The following STKLD1 variants were observed in gnomAD, a reference collection of about 807,000 sequenced individuals.
STKLD1 encodes serine/threonine kinase-like domain-containing protein STKLD1.
Under a neutral mutation model 80.4 loss-of-function variants are expected in STKLD1, and 79 were observed. The observed-to-expected ratio is 0.98, with a 90% CI of 0.82 to 1.19. The LOEUF is 1.19. Ranked by LOEUF, STKLD1 falls within the 50% of genes most tolerant of loss-of-function variation. The probability of loss-of-function intolerance (pLI) is 0.00; values close to 1 mark genes in which losing one functional copy is unlikely to be tolerated. For synonymous variants in STKLD1, 393 were observed against 357.6 expected (o/e 1.10, Z -1.12); for missense variants, 841 against 856.0 (o/e 0.98, Z 0.22).
chr9:133,387,197 T>G (rs931234122), intron 4 of STKLD1, among the ~76,000 whole-genome samples: 4 of 152,108 alleles, frequency 2.6e-5, no homozygotes, highest in African/African-American at 9.7e-5. Flanking sequence ...AGGGGACAAG[T>G]GCAGCTTTTG....
chr9:133,376,824 C>T (rs1300350820), intron 1 of STKLD1, among the ~76,000 whole-genome samples: 1 of 152,198 alleles, frequency 6.6e-6, no homozygotes, highest in Non-Finnish European at 1.5e-5. Context: ...CTCCTCTATC[C>T]TTCGTGCCTG....
Position 133,395,691 on chromosome 9 carries a change from CG to C in STKLD1, c.796del (p.Asp266MetfsTer11). ...AAGACAATGGAGGAGAAGCAGATCC[CG>C]GATGTGGAAACCTTCAGGAATCTTC... ...VLKTMEEKQIPDVETFRNLLP... is the reference protein window; with the variant it reads ...VLKTMEEKQIXDVETFRNLLP... On this transcript the variant is annotated frameshift_variant, in exon 9 of 18. Transcript: ENST00000371957. LOFTEE classifies it high-confidence loss of function. 6.2e-7 allele frequency: 1 copy of C among 1,613,478 alleles called. No individual in the cohort carries two copies. Among genetic ancestry groups the C allele is most frequent in the Non-Finnish European group, 8.5e-7 (1 of 1,180,022 alleles).
rs2130279682 is a variant in STKLD1 at position 133,387,484 on chromosome 9, A to G, written c.332A>G (p.Asn111Ser). The change falls in exon 5 of 18, where the codon AAT becomes AGT. Residue 111 changes from asparagine (N) to serine (S), a missense_variant. Asn to Ser is a conservative substitution (Grantham distance 46, BLOSUM62 1). Coordinates refer to ENST00000371957, the MANE Select transcript of STKLD1 (RefSeq NM_153710.5). ...TACCTCTGCCTGGTGATGGAGTTCAATGAGCTCAGCTTCCAGGAGGTCATT... is the reference window on the plus strand; with the variant it reads ...TACCTCTGCCTGGTGATGGAGTTCAGTGAGCTCAGCTTCCAGGAGGTCATT... Reference protein sequence around the residue: ...SLYLCLVMEFNELSFQEVIED... With the variant: ...SLYLCLVMEFSELSFQEVIED... 7.4e-6 allele frequency: 12 copies of G among 1,614,096 alleles called. No homozygotes were observed. The Admixed American group carries it at 1.7e-4, about 22-fold the overall frequency.
At chr9:133,396,514 G>A (rs1017130082) in intron 9 of STKLD1, among the ~76,000 whole-genome samples, 17 of 152,140 alleles carry the variant, frequency 1.1e-4, no homozygotes, top group African/African-American at 3.4e-4. Flanking sequence ...AGCAGTTTGG[G>A]AGGCTGAGGT....
chr9:133,395,056 A>C (rs1433455015), intron 8 of STKLD1, among the ~76,000 whole-genome samples: 1 of 152,046 alleles, frequency 6.6e-6, no homozygotes. Flanking sequence ...TGCCCAAAAC[A>C]AGGAAGCTCC....
chr9:133,380,805 G>A (rs1838110452), intron 2 of STKLD1, among the ~76,000 whole-genome samples: 1 of 152,048 alleles, frequency 6.6e-6, no homozygotes. Context: ...CAGGAGAATG[G>A]TATCGTTAAA....
In STKLD1 at chr9:133,385,589, C is replaced by A; in HGVS notation, c.220-28C>A. Reference sequence around the variant, plus strand: ...GAAAGGCGTGGAGAGGCACTGACTTCTCCGTTTCCTCTGCTCTATCCTGGC... The same window carrying A: ...GAAAGGCGTGGAGAGGCACTGACTTATCCGTTTCCTCTGCTCTATCCTGGC... On this transcript the variant is annotated intron_variant, in intron 3 of 17. Transcript: ENST00000371957. The surrounding 1 kb of genome is among the most constrained non-coding windows in gnomAD (Gnocchi z 4.9). The A allele has an allele frequency of 6.2e-7, 1 of 1,610,686 alleles. No homozygotes were observed. The highest frequency in any genetic ancestry group is 1.1e-5 in the South Asian group (1 of 90,996).
chr9:133,388,902 C>T (rs1371682593), intron 5 of STKLD1: 30 of 985,262 alleles, frequency 3.0e-5, no homozygotes, highest in African/African-American at 7.0e-5. Flanking sequence ...CTTCAAAACA[C>T]GAAATATTCC....
At chr9:133,388,203 G>A (rs1313510295) in intron 5 of STKLD1, among the ~76,000 whole-genome samples, 1 of 152,234 alleles carries the variant, frequency 6.6e-6, no homozygotes, top group Non-Finnish European at 1.5e-5. Context: ...CAAGTTGTGA[G>A]CATTCCCGAT....
chr9:133,398,438 AAG>A (rs1478079031), intron 11 of STKLD1, among the ~76,000 whole-genome samples: 1 of 152,228 alleles, frequency 6.6e-6, no homozygotes, highest in Non-Finnish European at 1.5e-5. Context: ...CTAGATGTTC[AAG>A]AGTGTGAATA....
intron 5 of STKLD1, chr9:133,388,681 A>T (rs1838318100): frequency 3.4e-6 from 3 of 892,374 alleles, no homozygotes; most frequent in Non-Finnish European, 4.0e-6. Flanking sequence ...TCATGAAGAT[A>T]CTCTCCTCTG....
chr9:133,401,748 C>G lies in STKLD1; in HGVS notation c.1209C>G (p.His403Gln), dbSNP rs1554777697. The change falls in exon 13 of 18, where the codon CAC becomes CAG. Residue 403 changes from histidine to glutamine, a missense_variant. Physicochemically the swap from His to Gln is conservative, Grantham distance 24. Coordinates refer to ENST00000371957, the MANE Select transcript of STKLD1 (RefSeq NM_153710.5). ...CTCTGGCTTGAGCAGCGCTGGTGCA[C>G]CACCCGGAAGCCAAGGCTCCCTGCA... ...LLHLLGQALV[H>Q]HPEAKAPCNQ... 1 of 1,612,404 alleles carries G rather than the reference C, an allele frequency of 6.2e-7. No individual in the cohort carries two copies. The highest frequency in any genetic ancestry group is 1.3e-5 in the African/African-American group (1 of 74,916).
chr9:133,400,304 C>T (rs1330554807), intron 11 of STKLD1, 109 bp from the exon 12 acceptor site: 8 of 750,270 alleles, frequency 1.1e-5, no homozygotes, highest in East Asian at 2.5e-5. Flanking sequence ...CTTCTATTCA[C>T]CCACCTAGGG....
chr9:133,394,856 C>A lies in STKLD1; in HGVS notation c.702+447C>A. ...CCTCCTGCACATCCTTAGCATGCAG[C>A]TCTTTCTCTCATCCCTGCTGGGGCC... is the stretch of plus-strand genomic sequence containing the variant. On this transcript the variant is annotated intron_variant, in intron 8 of 17. Transcript: ENST00000371957. This position sits in a 1 kb window ranked among gnomAD's most constrained non-coding sequence, Gnocchi z 4.9. The A allele has an allele frequency of 6.0e-6, 1 of 165,844 alleles. No individual in the cohort carries two copies. Among genetic ancestry groups the A allele is most frequent in the Non-Finnish European group, 1.3e-5 (1 of 76,362 alleles). 10.3% of individuals were successfully genotyped at this position (165,844 alleles called of 1,614,324 possible). A position where few individuals can be genotyped will look rare whatever the true frequency, so the allele number is the denominator to read the frequency against.
chr9:133,399,741 T>A (rs1228247517), intron 11 of STKLD1, among the ~76,000 whole-genome samples: 2 of 152,080 alleles, frequency 1.3e-5, no homozygotes, highest in Non-Finnish European at 2.9e-5. Flanking sequence ...TAGCCAGACG[T>A]GGTGGCGCAT....
intron 2 of STKLD1, among the ~76,000 whole-genome samples, chr9:133,381,986 G>A (rs1838144684): frequency 6.6e-6 from 1 of 152,198 alleles, no homozygotes; most frequent in Non-Finnish European, 1.5e-5. Context: ...AGTCTTTTGA[G>A]CAAAATTCTG....
intron 7 of STKLD1, among the ~76,000 whole-genome samples, chr9:133,391,050 G>C (rs4962137): frequency 6.6e-6 from 1 of 152,090 alleles, no homozygotes; most frequent in Non-Finnish European, 1.5e-5. Context: ...GTGGTTGTTT[G>C]TGGTACCCCA....
At chr9:133,392,641 AGGTGGGTGGGTGAGTGGATG>A (rs1360622483) in intron 7 of STKLD1, among the ~76,000 whole-genome samples, 302 of 7,824 alleles carry the variant, frequency 0.039, 10 homozygotes, top group African/African-American at 0.089. Flanking sequence ...ATGGATGGAT[AGGTGGGTGGGTGAGTGGATG>A]GGTGGGTGGG....
chr9:133,386,934 C>A (rs2130278439), intron 4 of STKLD1, among the ~76,000 whole-genome samples: 5 of 152,210 alleles, frequency 3.3e-5, no homozygotes, highest in African/African-American at 1.2e-4. Flanking sequence ...GGGAGGGGAC[C>A]TCACTGCATG....
Sources: allele counts gnomAD v4.1 joint callset (sites outside exome capture counted in the v4.1 genomes callset), GRCh38; gene constraint gnomAD v4.1.1; non-coding constraint Gnocchi (gnomAD v3.1); transcripts MANE v1.5; gene names NCBI Gene and HGNC (gene_info 2026-07-23, HGNC 2026-07-21).